Variants in MAML1 observed in about 807,000 individuals in gnomAD.
MAML1 encodes the protein mastermind like transcriptional coactivator 1.
MAML1 carries 14 observed loss-of-function variants against 77.1 expected under a neutral mutation model. The observed-to-expected ratio is 0.18, with a 90% CI of 0.12 to 0.28. The LOEUF (loss-of-function observed/expected upper bound fraction) is 0.28. MAML1 is among the 10% of genes least tolerant of loss of function. MAML1 has a pLI of 1.00. For synonymous variants in MAML1, 516 were observed against 551.9 expected, an observed-to-expected ratio of 0.93 and a Z score of 0.91; for missense variants, 1,217 against 1,327.8, an observed-to-expected ratio of 0.92 and a Z score of 1.30.
At chr5:179,772,264 G>A (rs1354304861) in intron 4 of MAML1, among the ~76,000 whole-genome samples, 1 of 152,044 alleles carries the variant, frequency 6.6e-6, no homozygotes, top group Non-Finnish European at 1.5e-5. Context: ...GATTACAGGC[G>A]CCTGCCACCA....
intron 1 of MAML1, among the ~76,000 whole-genome samples, chr5:179,750,675 G>C (rs7447159): frequency 0.23 from 35,066 of 152,106 alleles, 4,611 homozygotes; most frequent in Non-Finnish European, 0.3. Flanking sequence ...TCCCCAGGCT[G>C]GTCTCGAACT....
chr5:179,767,151 C>G (rs1779837280), intron 2 of MAML1, among the ~76,000 whole-genome samples: 1 of 135,630 alleles, frequency 7.4e-6, no homozygotes, highest in Non-Finnish European at 1.5e-5. Context: ...ACAAAATTCC[C>G]TAATTTTTGG....
intron 1 of MAML1, among the ~76,000 whole-genome samples, chr5:179,743,867 T>C (rs1294302428): frequency 6.6e-6 from 1 of 152,158 alleles, no homozygotes; most frequent in Non-Finnish European, 1.5e-5. Context: ...TCAACTCTTT[T>C]AAAAGAAGGT....
chr5:179,746,238 T>C (rs1230801906), intron 1 of MAML1, among the ~76,000 whole-genome samples: 7 of 146,386 alleles, frequency 4.8e-5, no homozygotes, highest in South Asian at 2.2e-4. Context: ...CCCAGCAACT[T>C]GGGAGGCTGA....
chr5:179,747,808 C>CAAAAAAAAAAAAAAA (rs71001044), intron 1 of MAML1, among the ~76,000 whole-genome samples: 4 of 40,892 alleles, frequency 9.8e-5, no homozygotes, highest in Non-Finnish European at 1.7e-4. Flanking sequence ...GACTCCATCT[C>CAAAAAAAAAAAAAAA]AAAAAAAAAA....
Position 179,774,121 on chromosome 5 carries a change from G to T in MAML1, c.2295G>T (p.Gln765His). Residue 765 changes from glutamine (Q) to histidine (H), a missense_variant, in exon 5 of 5, where the codon CAG becomes CAT. Physicochemically the swap from Gln to His is conservative, Grantham distance 24 (BLOSUM62 0). Around this residue, in one of 3 missense-constraint regions of MAML1, gnomAD observed 884 missense variants for 949.3 expected, o/e 0.93. Coordinates refer to ENST00000292599, the MANE Select transcript of MAML1 (RefSeq NM_014757.5). ...SLYGMASGIT[Q>H]IVAQPPPQAT... Reference sequence around the variant, plus strand: ...ATGGCATGGCTTCTGGCATAACCCAGATAGTTGCCCAGCCCCCGCCACAGG... The same window carrying T: ...ATGGCATGGCTTCTGGCATAACCCATATAGTTGCCCAGCCCCCGCCACAGG... The T allele has an allele frequency of 6.2e-7, 1 of 1,613,498 alleles. No individual in the cohort carries two copies. The highest frequency in any genetic ancestry group is 8.5e-7 in the Non-Finnish European group (1 of 1,180,010).
rs1323613536 is a variant in MAML1, at chr5:179,752,341, A to ATT, written c.316-12985_316-12984insTT. ...CTCTGTCTCCAAAAAAAAAAAAAAA[A>ATT]AAAAAAAAAATATATATATATATAT... On this transcript the variant is annotated intron_variant, in intron 1 of 4. Coordinates refer to ENST00000292599, the MANE Select transcript of MAML1 (RefSeq NM_014757.5). Among the ~76,000 whole-genome samples, 2 of 106,640 alleles carry ATT rather than the reference A, an allele frequency of 1.9e-5. 1 individual carries two copies. The highest frequency in any genetic ancestry group is 5.8e-4 in the South Asian group (2 of 3,446). 70.0% of individuals were successfully genotyped at this position (106,640 alleles called of 152,430 possible).
intron 1 of MAML1, among the ~76,000 whole-genome samples, chr5:179,748,947 T>G (rs535698690): frequency 9.6e-5 from 10 of 104,220 alleles, no homozygotes; most frequent in African/African-American, 2.9e-4. Flanking sequence ...AAAAGGTGTT[T>G]TTGTTTTTTT....
chr5:179,756,196 C>T (rs1361241702), intron 1 of MAML1, among the ~76,000 whole-genome samples: 1 of 151,370 alleles, frequency 6.6e-6, no homozygotes, highest in Non-Finnish European at 1.5e-5. Context: ...GAGGCCGAGG[C>T]AGGTGGATCA....
In MAML1 at chr5:179,776,096, A is replaced by C. The variant is rs1230724007; in HGVS notation, c.*1219A>C. ...CTGAGGGTCCACGAAATAGAATATG[A>C]CATGTGAGCTGTTTTTGGAAAACGA... On this transcript the variant is annotated 3_prime_UTR_variant, in exon 5 of 5. Transcript: ENST00000292599. 5.3e-5 allele frequency: 52 copies of C among 985,830 alleles called. No homozygotes were observed. Among genetic ancestry groups the C allele is most frequent in the Non-Finnish European group, 6.0e-5 (50 of 829,950 alleles). The allele number at this position is 985,830 out of a possible 1,614,324, so 61.1% of individuals were successfully genotyped here.
In MAML1 at chr5:179,766,667, G is replaced by A. The variant is rs61753465; in HGVS notation, c.1657G>A (p.Glu553Lys). The A allele has an allele frequency of 2.1e-3, 3,315 of 1,605,970 alleles. 6 individuals are homozygous for A. Among genetic ancestry groups the A allele is most frequent in the Non-Finnish European group, 2.5e-3 (2,933 of 1,175,488 alleles). Residue 553 changes from glutamate to lysine, a missense_variant, in exon 2 of 5, where the codon GAG (glutamate) becomes AAG (lysine). Coordinates refer to ENST00000292599, the MANE Select transcript of MAML1 (RefSeq NM_014757.5). The surrounding 1 kb of genome is among the most constrained non-coding windows in gnomAD (Gnocchi z 4.0). Reference sequence around the variant, plus strand: ...CCAGCAGCTGTCCCATATAAGTCACGAGCAGAACTCCCTGTTTCTGATGAA... The same window carrying A: ...CCAGCAGCTGTCCCATATAAGTCACAAGCAGAACTCCCTGTTTCTGATGAA... ...LPQQLSHISH[E>K]QNSLFLMKPK... is the part of the protein sequence containing the mutation.
intron 1 of MAML1, among the ~76,000 whole-genome samples, chr5:179,752,598 C>CTTTTTTTTTTTTTTT (rs1172970221): frequency 1.4e-5 from 1 of 71,836 alleles, no homozygotes; most frequent in African/African-American, 5.1e-5. Context: ...ATTAGATACT[C>CTTTTTTTTTTTTTTT]TTTTTTTTTT....
rs372297026 is a variant in MAML1, at chr5:179,771,165, C to T, written c.1990C>T (p.Arg664Cys). The stretch of plus-strand genomic sequence containing the variant: ...TTTCTAGGAGAAGCAACAGTTTCAG[C>T]GCCATCTGACCCGCCCACCACCCCA... ...LAEQEKQQFQ[R>C]HLTRPPPQYQ... Residue 664 changes from arginine to cysteine, a missense_variant, in exon 4 of 5, where the codon CGC becomes TGC. Around this residue, in one of 3 missense-constraint regions of MAML1, gnomAD observed 884 missense variants for 949.3 expected, o/e 0.93. Transcript: ENST00000292599. The surrounding 1 kb of genome is among the most constrained non-coding windows in gnomAD (Gnocchi z 4.7). 4.8e-5 allele frequency: 78 copies of T among 1,613,836 alleles called. No homozygotes were observed. In the South Asian group the frequency reaches 5.7e-4, roughly 12 times the overall value.
intron 1 of MAML1, among the ~76,000 whole-genome samples, chr5:179,741,619 G>A (rs1262010595): frequency 6.6e-6 from 1 of 150,626 alleles, no homozygotes; most frequent in African/African-American, 2.4e-5. Flanking sequence ...CCAGGAGGTC[G>A]AGGTTGTCGT....
chr5:179,768,532 G>A (rs1779862840), intron 2 of MAML1, among the ~76,000 whole-genome samples: 1 of 152,242 alleles, frequency 6.6e-6, no homozygotes, highest in Non-Finnish European at 1.5e-5. Flanking sequence ...GCATTTCTAA[G>A]CCTCGATTGC....
At position 179,766,646 on chromosome 5, in the gene MAML1, C is replaced by A. The variant is rs1779825584; in HGVS notation, c.1636C>A (p.Gln546Lys). The change falls in exon 2 of 5, where the codon CAG becomes AAG. Residue 546 changes from glutamine to lysine, a missense_variant. Physicochemically the swap from Gln to Lys is moderately conservative, Grantham distance 53 (BLOSUM62 1). Coordinates refer to ENST00000292599, the MANE Select transcript of MAML1 (RefSeq NM_014757.5). The surrounding 1 kb of genome is among the most constrained non-coding windows in gnomAD (Gnocchi z 4.0). ...KPALMAYLPQ[Q>K]LSHISHEQNS... ...AGCCCTGATGGCTTATCTTCCCCAG[C>A]AGCTGTCCCATATAAGTCACGAGCA... The A allele has an allele frequency of 1.9e-6, 3 of 1,612,080 alleles. No individual in the cohort carries two copies. Among genetic ancestry groups the A allele is most frequent in the Non-Finnish European group, 2.5e-6 (3 of 1,178,804 alleles).
Position 179,766,541 on chromosome 5 carries a change from G to A in MAML1, c.1531G>A (p.Asp511Asn), listed in dbSNP as rs1262654939. The change falls in exon 2 of 5, where the codon GAC becomes AAC. Residue 511 changes from aspartate to asparagine, a missense_variant. Transcript: ENST00000292599. This position sits in a 1 kb window ranked among gnomAD's most constrained non-coding sequence, Gnocchi z 4.0. Reference sequence around the variant, plus strand: ...CGCGAATAACCAGGGGTCTGTGCTGGACTACGGCAATACAAAACCCCTTTC... The same window carrying A: ...CGCGAATAACCAGGGGTCTGTGCTGAACTACGGCAATACAAAACCCCTTTC... ...NSANNQGSVL[D>N]YGNTKPLSHY... The A allele has an allele frequency of 3.7e-6, 6 of 1,605,794 alleles. No homozygotes were observed. The highest frequency in any genetic ancestry group is 2.2e-5 in the East Asian group (1 of 44,760).
At chr5:179,745,184 C>T (rs932166353) in intron 1 of MAML1, among the ~76,000 whole-genome samples, 1 of 151,772 alleles carries the variant, frequency 6.6e-6, no homozygotes, top group East Asian at 2.0e-4. Context: ...GGATTACAGG[C>T]GTGAGCCACC....
rs150847826 is a variant in MAML1, at chr5:179,773,479, C to T, written c.2069-416C>T. ...CCCAGATGCCAGGGCTTCCAGCCTG[C>T]ACCCTGCAGCCTGCTGGCCAGGCGC... is the stretch of plus-strand genomic sequence containing the variant. On this transcript the variant is annotated intron_variant, in intron 4 of 4. Coordinates refer to ENST00000292599, the MANE Select transcript of MAML1 (RefSeq NM_014757.5). Among the ~76,000 whole-genome samples, 949 of 152,378 alleles carry T rather than the reference C, an allele frequency of 6.2e-3. 11 individuals carry two copies. Among genetic ancestry groups the T allele is most frequent in the African/African-American group, 0.021 (882 of 41,580 alleles).
Sources: gnomAD v4.1 joint callset for allele counts (sites outside exome capture counted in the v4.1 genomes callset) on GRCh38, gnomAD v4.1.1 for gene constraint, gnomAD v4.1.1 regional missense constraint, Gnocchi (gnomAD v3.1) non-coding constraint, MANE v1.5 for transcripts, NCBI Gene and HGNC (gene_info 2026-07-23, HGNC 2026-07-21) for gene names.